Variants in SRD5A1 observed in about 807,000 individuals in gnomAD.
SRD5A1 encodes the protein steroid 5 alpha-reductase 1.
In SRD5A1, 22 loss-of-function variants were observed where a neutral mutation model predicts 28.2. The ratio of observed to expected loss-of-function variants is 0.78; its 90% CI spans 0.56 to 1.12. The LOEUF is 1.12. Ranked by LOEUF, SRD5A1 falls within the 50% of genes most tolerant of loss-of-function variation. The pLI is 0.00. For synonymous variants in SRD5A1, 151 were observed against 135.0 expected, an observed-to-expected ratio of 1.12 and a Z score of -0.82; for missense variants, 300 against 346.7, an observed-to-expected ratio of 0.87 and a Z score of 1.07.
intron 1 of SRD5A1, among the ~76,000 whole-genome samples, chr5:6,642,285 AT>A (rs1738388481): frequency 6.6e-6 from 1 of 152,208 alleles, no homozygotes; most frequent in Admixed American, 6.5e-5. Flanking sequence ...ATCAGTCCAC[AT>A]GTATATGATT....
chr5:6,648,327 C>G (rs1738568515), intron 1 of SRD5A1, among the ~76,000 whole-genome samples: 1 of 152,102 alleles, frequency 6.6e-6, no homozygotes, highest in Non-Finnish European at 1.5e-5. Context: ...GTTGGCCTGC[C>G]TTGCTAGGTT....
intron 1 of SRD5A1, among the ~76,000 whole-genome samples, chr5:6,643,051 A>G (rs573501618): frequency 6.0e-5 from 9 of 150,088 alleles, no homozygotes; most frequent in African/African-American, 2.2e-4. Flanking sequence ...TTTTTGTCCC[A>G]TACATTTTTA....
chr5:6,633,802 GC>G lies in SRD5A1; in HGVS notation c.230del (p.Pro77ArgfsTer24), dbSNP rs1314274814. 6.3e-7 allele frequency: 1 copy of G among 1,597,782 alleles called. No homozygotes were observed. Among genetic ancestry groups the G allele is most frequent in the South Asian group, 1.1e-5 (1 of 91,022 alleles). On this transcript the variant is annotated frameshift_variant, in exon 1 of 5. Coordinates refer to ENST00000274192, the MANE Select transcript of SRD5A1 (RefSeq NM_001047.4). LOFTEE classifies it high-confidence loss of function. ...LPLYQYASESAPRLRSAPNCI... is the reference protein window; with the variant it reads ...LPLYQYASESXPRLRSAPNCI... ...GCTCTACCAGTACGCCAGCGAGTCC[GC>G]CCCGCGTCTCCGCAGCGCGCCCAAC...
rs746253473 is a variant in SRD5A1, at chr5:6,633,775, C to T, written c.199C>T (p.Pro67Ser). ...GCAGGAGCTGCCCTCGCTGGCCCTGCCGCTCTACCAGTACGCCAGCGAGTC... is the reference window on the plus strand; with the variant it reads ...GCAGGAGCTGCCCTCGCTGGCCCTGTCGCTCTACCAGTACGCCAGCGAGTC... ...VVQELPSLAL[P>S]LYQYASESAP... The change falls in exon 1 of 5, where the codon CCG becomes TCG. Residue 67 changes from proline to serine, a missense_variant. By Grantham distance (74) the Pro-to-Ser change is moderately conservative. Coordinates refer to ENST00000274192, the MANE Select transcript of SRD5A1 (RefSeq NM_001047.4). The T allele has an allele frequency of 6.3e-7, 1 of 1,597,662 alleles. No individual in the cohort carries two copies. Among genetic ancestry groups the T allele is most frequent in the South Asian group, 1.1e-5 (1 of 91,034 alleles).
chr5:6,659,873 G>A (rs1027675697), intron 3 of SRD5A1, among the ~76,000 whole-genome samples: 1 of 152,100 alleles, frequency 6.6e-6, no homozygotes, highest in Non-Finnish European at 1.5e-5. Flanking sequence ...CACCATGGTC[G>A]GCTTTGTGAC....
At chr5:6,666,441 C>T (rs372735272) in intron 4 of SRD5A1, among the ~76,000 whole-genome samples, 1 of 152,158 alleles carries the variant, frequency 6.6e-6, no homozygotes, top group East Asian at 1.9e-4. Context: ...AGCCACCGCG[C>T]CTGACTGGAT....
chr5:6,633,952 TC>T, intron 1 of SRD5A1, 83 bp downstream of exon 1: 2 of 1,470,632 alleles, frequency 1.4e-6, no homozygotes, highest in African/African-American at 1.4e-5. Context: ...CGGTGCCCTC[TC>T]CCCGAAGCCT....
chr5:6,658,761 T>A (rs996862280), intron 3 of SRD5A1, among the ~76,000 whole-genome samples: 3 of 145,886 alleles, frequency 2.1e-5, no homozygotes, highest in East Asian at 2.0e-4. Context: ...TCTAATCATT[T>A]AAAAAAAAAA....
chr5:6,638,081 G>A (rs1368988208), intron 1 of SRD5A1, among the ~76,000 whole-genome samples: 2 of 152,236 alleles, frequency 1.3e-5, no homozygotes, highest in Non-Finnish European at 2.9e-5. Flanking sequence ...GCTCATGCCT[G>A]TAATCCCAGC....
intron 1 of SRD5A1, among the ~76,000 whole-genome samples, chr5:6,643,322 G>A (rs1184296157): frequency 6.6e-6 from 1 of 151,882 alleles, no homozygotes; most frequent in Non-Finnish European, 1.5e-5. Flanking sequence ...TTATTATTTT[G>A]AGACAGGATC....
chr5:6,649,351 A>G (rs1295342724), intron 1 of SRD5A1, among the ~76,000 whole-genome samples: 1 of 152,190 alleles, frequency 6.6e-6, no homozygotes, highest in Non-Finnish European at 1.5e-5. Context: ...GCTCTGTCCC[A>G]GGGAGCTGCG....
chr5:6,649,708 C>T (rs912832289), intron 1 of SRD5A1, among the ~76,000 whole-genome samples: 8 of 152,352 alleles, frequency 5.3e-5, no homozygotes, highest in Non-Finnish European at 1.0e-4. Context: ...ACCCCTTGCA[C>T]TTCCTGGGTG....
chr5:6,666,380 C>T (rs1334558665), intron 4 of SRD5A1, among the ~76,000 whole-genome samples: 1 of 152,180 alleles, frequency 6.6e-6, no homozygotes, highest in Non-Finnish European at 1.5e-5. Context: ...GATCTCCTGA[C>T]CTCGTGATTT....
At chr5:6,650,065 T>C (rs1306851260) in intron 1 of SRD5A1, among the ~76,000 whole-genome samples, 2 of 152,230 alleles carry the variant, frequency 1.3e-5, no homozygotes, top group Admixed American at 1.3e-4. Context: ...GTTGTCTTTC[T>C]TTCTTCTCGG....
chr5:6,643,983 T>G (rs1048610548), intron 1 of SRD5A1, among the ~76,000 whole-genome samples: 1 of 152,200 alleles, frequency 6.6e-6, no homozygotes, highest in Admixed American at 6.5e-5. Context: ...GCTGACGTTT[T>G]TCAGGTCAGA....
chr5:6,667,853 A>G (rs953132232), intron 4 of SRD5A1, among the ~76,000 whole-genome samples: 3 of 152,172 alleles, frequency 2.0e-5, no homozygotes, highest in Non-Finnish European at 4.4e-5. Flanking sequence ...TTCAGGAAGC[A>G]CCTACTTGGT....
intron 3 of SRD5A1, among the ~76,000 whole-genome samples, chr5:6,659,172 G>A (rs1162551312): frequency 6.6e-6 from 1 of 150,848 alleles, no homozygotes; most frequent in African/African-American, 2.4e-5. Context: ...GGAGTGCAGT[G>A]GCGCGATCTC....
chr5:6,639,235 CTTACT>C (rs1468474854), intron 1 of SRD5A1, among the ~76,000 whole-genome samples: 1 of 152,232 alleles, frequency 6.6e-6, no homozygotes, highest in Non-Finnish European at 1.5e-5. Context: ...ACCCAAACAT[CTTACT>C]TTAAACGCTT....
At chr5:6,655,420 G>A (rs1372686520) in intron 2 of SRD5A1, among the ~76,000 whole-genome samples, 1 of 152,204 alleles carries the variant, frequency 6.6e-6, no homozygotes, top group Non-Finnish European at 1.5e-5. Flanking sequence ...GGGATACCGT[G>A]GGATTCTGGG....
Sources: allele counts gnomAD v4.1 joint callset (sites outside exome capture counted in the v4.1 genomes callset), GRCh38; gene constraint gnomAD v4.1.1; transcripts MANE v1.5; gene names NCBI Gene and HGNC (gene_info 2026-07-23, HGNC 2026-07-21).